KLF12: variants seen among roughly 807,000 people sequenced by gnomAD.
KLF12 encodes the protein KLF transcription factor 12.
KLF12 carries 9 observed loss-of-function variants against 37.8 expected under a neutral mutation model. That is an observed-to-expected ratio of 0.24 (90% CI 0.14 to 0.42). KLF12 has a LOEUF of 0.42. Among genes scored for constraint, KLF12 ranks in the 10% least tolerant of loss-of-function variants. KLF12 has a pLI of 1.00. For missense variants in KLF12, 411 were observed against 516.0 expected (o/e 0.80, Z 1.97); for synonymous variants, 208 against 202.1 (o/e 1.03, Z -0.25).
intron 1 of KLF12, among the ~76,000 whole-genome samples, chr13:74,111,802 G>A (rs1358521149): frequency 6.6e-6 from 1 of 152,078 alleles, no homozygotes; most frequent in Admixed American, 6.6e-5. Context: ...TCCTCAAGAT[G>A]ATGTTTTCCT....
At chr13:73,903,738 G>A (rs555851935) in intron 3 of KLF12, among the ~76,000 whole-genome samples, 8 of 152,178 alleles carry the variant, frequency 5.3e-5, no homozygotes, top group African/African-American at 1.7e-4. Flanking sequence ...TAGGAACCTC[G>A]TCGCACAGCA....
chr13:74,148,197 G>A, the KLF12 span, among the ~76,000 whole-genome samples: 1 of 152,026 alleles, frequency 6.6e-6, no homozygotes, highest in African/African-American at 2.4e-5. Flanking sequence ...TTACAGGTGT[G>A]AGCCACCACC....
At chr13:73,823,067 A>G (rs1883619993) in intron 4 of KLF12, among the ~76,000 whole-genome samples, 1 of 152,244 alleles carries the variant, frequency 6.6e-6, no homozygotes, top group South Asian at 2.1e-4. Context: ...TCTGCAATGT[A>G]CAGAGAAGGT....
At chr13:73,948,101 G>C (rs1890509604) in intron 2 of KLF12, among the ~76,000 whole-genome samples, 1 of 152,176 alleles carries the variant, frequency 6.6e-6, no homozygotes, top group Admixed American at 6.5e-5. Flanking sequence ...TTCAGCTACA[G>C]GTGATGAGAA....
the KLF12 span, among the ~76,000 whole-genome samples, chr13:74,198,900 G>A: frequency 6.6e-6 from 1 of 152,182 alleles, no homozygotes; most frequent in Non-Finnish European, 1.5e-5. Flanking sequence ...GTATCTGGAT[G>A]GAGACTCCAT....
At chr13:73,851,539 A>G (rs1885334675) in intron 3 of KLF12, among the ~76,000 whole-genome samples, 1 of 152,220 alleles carries the variant, frequency 6.6e-6, no homozygotes, top group Admixed American at 6.5e-5. Context: ...ATTCCACAGT[A>G]TAAATAACTT....
chr13:73,820,362 C>T (rs2138497302), intron 4 of KLF12, among the ~76,000 whole-genome samples: 1 of 152,314 alleles, frequency 6.6e-6, no homozygotes, highest in Middle Eastern at 3.4e-3. Flanking sequence ...ATTCTGACTT[C>T]ATTTGGTTTC....
intron 6 of KLF12, among the ~76,000 whole-genome samples, chr13:73,738,092 CATAT>C (rs778759106): frequency 0.023 from 2,707 of 116,342 alleles, 47 homozygotes; most frequent in Middle Eastern, 0.055. Flanking sequence ...TGTATGTGTA[CATAT>C]ATATATATAT....
rs1892791144 is a variant in KLF12, at chr13:74,019,702, A to G, written c.-31-24649T>C. On this transcript the variant is annotated intron_variant, in intron 1 of 7. Coordinates refer to ENST00000377669, the MANE Select transcript of KLF12 (RefSeq NM_007249.5). ...AATGCTCCCAATTTTAACGTTTTTAAGAGAATAAAAATGTACTCCTTTATT... is the reference window on the plus strand; with the variant it reads ...AATGCTCCCAATTTTAACGTTTTTAGGAGAATAAAAATGTACTCCTTTATT... Among the ~76,000 whole-genome samples the G allele has an allele frequency of 2.0e-5, 3 of 152,220 alleles. 1 individual carries two copies. The highest frequency in any genetic ancestry group is 4.4e-5 in the Non-Finnish European group (3 of 68,038).
chr13:73,730,750 A>G (rs1877000619), intron 6 of KLF12, among the ~76,000 whole-genome samples: 1 of 152,016 alleles, frequency 6.6e-6, no homozygotes, highest in South Asian at 2.1e-4. Context: ...AATTATGGAG[A>G]TAAAATAGCT....
intron 1 of KLF12, among the ~76,000 whole-genome samples, chr13:74,027,378 T>C (rs1893001805): frequency 6.6e-6 from 1 of 151,846 alleles, no homozygotes; most frequent in African/African-American, 2.4e-5. Context: ...CACTTCGCGA[T>C]GTCTGTTCAT....
chr13:73,816,638 T>C (rs957265295), intron 4 of KLF12, among the ~76,000 whole-genome samples: 4 of 152,248 alleles, frequency 2.6e-5, no homozygotes, highest in African/African-American at 9.6e-5. Flanking sequence ...CATGTCTGTC[T>C]GTATCCATGC....
intron 3 of KLF12, among the ~76,000 whole-genome samples, chr13:73,865,879 G>A (rs913031484): frequency 1.3e-5 from 2 of 152,180 alleles, no homozygotes; most frequent in Non-Finnish European, 2.9e-5. Flanking sequence ...ACAGCAGAAG[G>A]ACATAGAAAT....
upstream of KLF12, among the ~76,000 whole-genome samples, chr13:74,134,116 C>A (rs1472941888): frequency 6.6e-6 from 1 of 150,564 alleles, no homozygotes; most frequent in East Asian, 2.0e-4. Flanking sequence ...GACGCCGCTT[C>A]TCCTCCCTCG....
intron 1 of KLF12, among the ~76,000 whole-genome samples, chr13:74,107,634 A>G (rs920312515): frequency 6.6e-5 from 10 of 152,222 alleles, no homozygotes; most frequent in Non-Finnish European, 1.5e-4. Context: ...AATCAGGGAA[A>G]GCCAAGACAA....
intron 1 of KLF12, among the ~76,000 whole-genome samples, chr13:74,007,881 C>A (rs7986341): frequency 6.7e-6 from 1 of 150,224 alleles, no homozygotes; most frequent in African/African-American, 2.5e-5. Context: ...ACAACTGGTA[C>A]ATGGAAAAAA....
At chr13:73,868,243 T>G (rs1886278951) in intron 3 of KLF12, among the ~76,000 whole-genome samples, 1 of 116,088 alleles carries the variant, frequency 8.6e-6, no homozygotes, top group Non-Finnish European at 1.6e-5. Context: ...ACCCAGGAGG[T>G]GCAGGTTGCG....
intron 3 of KLF12, among the ~76,000 whole-genome samples, chr13:73,858,531 C>A (rs57363392): frequency 0.033 from 5,042 of 152,202 alleles, 213 homozygotes; most frequent in African/African-American, 0.099. Flanking sequence ...AAACTACCAT[C>A]AACAATTACC....
At chr13:74,224,189 C>T in the KLF12 span, among the ~76,000 whole-genome samples, 1 of 152,170 alleles carries the variant, frequency 6.6e-6, no homozygotes, top group Non-Finnish European at 1.5e-5. Context: ...GTTGATGGCT[C>T]AATGGGATCA....
Sources: gnomAD v4.1 joint callset for allele counts (sites outside exome capture counted in the v4.1 genomes callset) on GRCh38, gnomAD v4.1.1 for gene constraint, MANE v1.5 for transcripts, NCBI Gene and HGNC (gene_info 2026-07-23, HGNC 2026-07-21) for gene names.